The following MAK variants were observed in gnomAD, a reference collection of about 807,000 sequenced individuals.
The protein encoded by MAK is serine/threonine-protein kinase MAK.
MAK carries 65 observed loss-of-function variants against 82.6 expected under a neutral mutation model. The ratio of observed to expected loss-of-function variants is 0.79; its 90% CI spans 0.64 to 0.97. The LOEUF is 0.97. Ranked by LOEUF, MAK falls within the 50% of genes least tolerant of loss-of-function variation. The pLI is 0.00. For synonymous variants in MAK, 250 were observed against 274.2 expected (o/e 0.91, Z 0.87); for missense variants, 703 against 780.2 (o/e 0.90, Z 1.18).
At chr6:10,808,122 C>T (rs1776639036) in intron 6 of MAK, among the ~76,000 whole-genome samples, 1 of 152,052 alleles carries the variant, frequency 6.6e-6, no homozygotes, top group Non-Finnish European at 1.5e-5. Context: ...GTGCACTAGT[C>T]CAGGCACTAC....
chr6:10,818,384 C>CGGGCAGATCACCTGAGGT (rs1209103264), intron 3 of MAK, among the ~76,000 whole-genome samples: 1 of 152,118 alleles, frequency 6.6e-6, no homozygotes, highest in Non-Finnish European at 1.5e-5. Flanking sequence ...GAGGCTGAGG[C>CGGGCAGATCACCTGAGGT]GGGCAGATCA....
At chr6:10,832,674 A>C (rs1165622660) in intron 1 of MAK, among the ~76,000 whole-genome samples, 1 of 151,824 alleles carries the variant, frequency 6.6e-6, no homozygotes, top group South Asian at 2.1e-4. Flanking sequence ...ATTTTTTGTA[A>C]TTTTAGTAGA....
intron 13 of MAK, among the ~76,000 whole-genome samples, 198 bp from the exon 14 acceptor site, chr6:10,770,428 G>A (rs544854751): frequency 6.6e-6 from 1 of 152,140 alleles, no homozygotes; most frequent in South Asian, 2.1e-4. Flanking sequence ...TATCCATATC[G>A]TGTGGCTCTC....
chr6:10,815,945 T>TATATATATATATATATATATATAA lies in MAK; in HGVS notation c.278+1904_278+1905insTTATATATATATATATATATATAT, dbSNP rs1171616235. ...ATATATATATATATATATATATATA[T>TATATATATATATATATATATATAA]ATGTATGTTTTCTTTTTTGTTTGAG... On this transcript the variant is annotated intron_variant, in intron 4 of 14. Transcript: ENST00000354489. 1.2e-3 allele frequency among the ~76,000 whole-genome samples: 140 copies of TATATATATATATATATATATATAA among 116,800 alleles called. 13 individuals are homozygous for TATATATATATATATATATATATAA. Among genetic ancestry groups the TATATATATATATATATATATATAA allele is most frequent in the African/African-American group, 5.2e-3 (137 of 26,552 alleles). The allele number at this position is 116,800 out of a possible 152,430, so 76.6% of individuals were successfully genotyped here. A position where few individuals can be genotyped will look rare whatever the true frequency, so the allele number is the denominator to read the frequency against.
At chr6:10,770,708 A>G (rs935126083) in intron 13 of MAK, among the ~76,000 whole-genome samples, 2 of 152,252 alleles carry the variant, frequency 1.3e-5, no homozygotes, top group Non-Finnish European at 2.9e-5. Flanking sequence ...CACGTGGCAT[A>G]GAATCTGTAC....
At chr6:10,816,469 G>T (rs1777513116) in intron 4 of MAK, among the ~76,000 whole-genome samples, 1 of 151,948 alleles carries the variant, frequency 6.6e-6, no homozygotes, top group South Asian at 2.1e-4. Flanking sequence ...GATATTTCAT[G>T]TAAGTATATA....
At chr6:10,775,187 C>G (rs1248926005) in intron 12 of MAK, 141 bp downstream of exon 12, 1 of 929,640 alleles carries the variant, frequency 1.1e-6, no homozygotes, top group Non-Finnish European at 1.7e-6. Flanking sequence ...CAGGGCTACC[C>G]ATAGGCAGAG....
chr6:10,815,912 GTATATATATATATATATATA>G lies in MAK; in HGVS notation c.278+1918_278+1937del, dbSNP rs3064109. On this transcript the variant is annotated intron_variant, in intron 4 of 14. Coordinates refer to ENST00000354489, the MANE Select transcript of MAK (RefSeq NM_001242957.3). ...TACTGTATTAGTGTAGCTTTATACA[GTATATATATATATATATATA>G]TATATATATATATATGTATGTTTTC... is the stretch of plus-strand genomic sequence containing the variant. Among the ~76,000 whole-genome samples the G allele has an allele frequency of 8.1e-4, 88 of 108,346 alleles. 3 individuals carry two copies. The highest frequency in any genetic ancestry group is 3.8e-3 in the African/African-American group (82 of 21,846). The allele number at this position is 108,346 out of a possible 152,430, so 71.1% of individuals were successfully genotyped here. A position where few individuals can be genotyped will look rare whatever the true frequency, so the allele number is the denominator to read the frequency against.
At chr6:10,806,937 C>T (rs1776511260) in intron 6 of MAK, among the ~76,000 whole-genome samples, 1 of 152,128 alleles carries the variant, frequency 6.6e-6, no homozygotes, top group Admixed American at 6.6e-5. Context: ...GCAGGTGTTC[C>T]TTTACAGCAA....
At chr6:10,809,075 C>A (rs1052569154) in intron 5 of MAK, 133 bp from the exon 6 acceptor site, 6 of 862,330 alleles carry the variant, frequency 7.0e-6, no homozygotes, top group Admixed American at 4.6e-5. Flanking sequence ...AAAAAGTAAA[C>A]CATATTTATT....
intron 6 of MAK, among the ~76,000 whole-genome samples, chr6:10,805,872 G>A (rs932757457): frequency 2.0e-5 from 3 of 152,122 alleles, no homozygotes; most frequent in African/African-American, 7.2e-5. Flanking sequence ...CTCTCTGTCT[G>A]CCTTCTTTTT....
chr6:10,819,983 G>A (rs1001761057), intron 2 of MAK, among the ~76,000 whole-genome samples: 2 of 151,840 alleles, frequency 1.3e-5, no homozygotes, highest in African/African-American at 4.8e-5. Flanking sequence ...GTGGTGGCGG[G>A]CACCTGTAGT....
rs771239828 is a variant in MAK at position 10,800,916 on chromosome 6, T to TC, written c.831+975dup. ...CAGTAAGGACCTCAATTTATTTTTT[T>TC]CCCTAAGAGCTAATGAATTTTCCCA... On this transcript the variant is annotated intron_variant, in intron 8 of 14. Coordinates refer to ENST00000354489, the MANE Select transcript of MAK (RefSeq NM_001242957.3). This position sits in a 1 kb window ranked among gnomAD's most constrained non-coding sequence, Gnocchi z 4.2. Among the ~76,000 whole-genome samples, 6 of 152,274 alleles carry TC rather than the reference T, an allele frequency of 3.9e-5. No individual in the cohort carries two copies.
rs1218134301 is a variant in MAK at position 10,808,833 on chromosome 6, G to A, written c.468C>T (p.Tyr156=). The A allele has an allele frequency of 1.2e-6, 2 of 1,613,804 alleles. No homozygotes were observed. Among genetic ancestry groups the A allele is most frequent in the African/African-American group, 1.3e-5 (1 of 74,882 alleles). ...LARELRSQPP[Y]TDYVSTRWYR... is the part of the protein sequence containing the mutation. ...ACCATCTGGTAGATACATAATCAGT[G>A]TATGGTGGCTGTGACCTTAATTCTC... is the stretch of plus-strand genomic sequence containing the variant. Residue 156 remains tyrosine (Y), a synonymous_variant, in exon 6 of 15, where the codon TAC becomes TAT. Transcript: ENST00000354489.
chr6:10,770,245 T>C lies in MAK; in HGVS notation c.1673-15A>G, dbSNP rs1772880607. The stretch of plus-strand genomic sequence containing the variant: ...TCCAAGATTTCCTAGTGACATATCA[T>C]AAAGTTTCACAGTCAGAAGGTGAAT... On this transcript the variant is annotated splice_polypyrimidine_tract_variant and intron_variant, in intron 13 of 14. Transcript: ENST00000354489. 1 of 1,613,660 alleles carries C rather than the reference T, an allele frequency of 6.2e-7. No homozygotes were observed. Among genetic ancestry groups the C allele is most frequent in the Non-Finnish European group, 8.5e-7 (1 of 1,179,904 alleles).
In MAK at chr6:10,793,647, G is replaced by A. The variant is rs1230564456; in HGVS notation, c.1144-1800C>T. On this transcript the variant is annotated intron_variant, in intron 9 of 14. Transcript: ENST00000354489. The surrounding 1 kb of genome is among the most constrained non-coding windows in gnomAD (Gnocchi z 4.6). ...TAACACAGTACTTAATCCCAGCTCTGGAACTCACCTATATAAAAATGTGTG... is the reference window on the plus strand; with the variant it reads ...TAACACAGTACTTAATCCCAGCTCTAGAACTCACCTATATAAAAATGTGTG... 8.6e-5 allele frequency among the ~76,000 whole-genome samples: 13 copies of A among 151,996 alleles called. No individual in the cohort carries two copies. The highest frequency in any genetic ancestry group is 1.8e-4 in the Non-Finnish European group (12 of 68,004).
intron 4 of MAK, 117 bp downstream of exon 4, chr6:10,817,732 GT>G: frequency 1.2e-6 from 1 of 818,138 alleles, no homozygotes; most frequent in South Asian, 1.7e-5. Context: ...AACAGAACTG[GT>G]TAATTTAAAT....
chr6:10,813,235 A>T (rs1189398487), intron 5 of MAK, among the ~76,000 whole-genome samples: 16 of 120,840 alleles, frequency 1.3e-4, no homozygotes, highest in Admixed American at 8.5e-4. Context: ...TGCAACCTCC[A>T]CCTCTGGGGT....
At position 10,775,474 on chromosome 6, in the gene MAK, A is replaced by T; in HGVS notation, c.1466-15T>A. 1 of 1,611,416 alleles carries T rather than the reference A, an allele frequency of 6.2e-7. No individual in the cohort carries two copies. The highest frequency in any genetic ancestry group is 8.5e-7 in the Non-Finnish European group (1 of 1,178,276). On this transcript the variant is annotated splice_polypyrimidine_tract_variant and intron_variant, in intron 11 of 14. Transcript: ENST00000354489. ...GGGATTCACACCTGAGAAGAACAAA[A>T]CAACCACTTCAAAGGTTAGAGCAGA...
Sources: gnomAD v4.1 joint callset for allele counts (sites outside exome capture counted in the v4.1 genomes callset) on GRCh38, gnomAD v4.1.1 for gene constraint, Gnocchi (gnomAD v3.1) non-coding constraint, MANE v1.5 for transcripts, NCBI Gene and HGNC (gene_info 2026-07-23, HGNC 2026-07-21) for gene names.